The following KCNAB2 variants were observed in gnomAD, a reference collection of about 807,000 sequenced individuals.
KCNAB2 encodes voltage-gated potassium channel subunit beta-2.
A neutral mutation model predicts 63.6 loss-of-function variants in KCNAB2; 29 were observed. The ratio of observed to expected loss-of-function variants is 0.46; its 90% confidence interval spans 0.34 to 0.62. The LOEUF (loss-of-function observed/expected upper bound fraction) is 0.62, where lower values mean the gene tolerates loss of function less well. Among genes scored for constraint, KCNAB2 ranks in the 20% least tolerant of loss-of-function variants. The pLI is 0.01. For missense variants in KCNAB2, 359 were observed against 563.9 expected (o/e 0.64, Z 3.68); for synonymous variants, 222 against 224.2 (o/e 0.99, Z 0.09).
At chr1:6,061,093 A>G (rs1351215872) in intron 2 of KCNAB2, among the ~76,000 whole-genome samples, 2 of 152,158 alleles carry the variant, frequency 1.3e-5, no homozygotes, top group Non-Finnish European at 2.9e-5. Context: ...GACCCCAGGC[A>G]CTGAGCCGGA....
In KCNAB2 at chr1:6,073,423, C is replaced by T. The variant is rs535799501; in HGVS notation, c.263-310C>T. The stretch of plus-strand genomic sequence containing the variant: ...GAGGCATCCCTTGTGCCATTTCTTG[C>T]GGCATGTCCTTGGAACTAGAGCTGC... On this transcript the variant is annotated intron_variant, in intron 3 of 15. Coordinates refer to ENST00000378083, the MANE Select transcript of KCNAB2 (RefSeq NM_001199862.2). This position sits in a 1 kb window ranked among gnomAD's most constrained non-coding sequence, Gnocchi z 5.7. Among the ~76,000 whole-genome samples the T allele has an allele frequency of 6.6e-6, 1 of 152,320 alleles. No homozygotes were observed. The highest frequency in any genetic ancestry group is 1.5e-5 in the Non-Finnish European group (1 of 68,024).
Position 6,098,580 on chromosome 1 carries a change from C to A in KCNAB2, c.*6C>A, listed in dbSNP as rs1468316589. On this transcript the variant is annotated 3_prime_UTR_variant, in exon 16 of 16. Coordinates refer to ENST00000378083, the MANE Select transcript of KCNAB2 (RefSeq NM_001199862.2). ...AAAAGGACTACAGATCCTAAGCCGC[C>A]CCCGCCCGCCTGCTCGGACAGTTTC... 2.5e-6 allele frequency: 4 copies of A among 1,613,418 alleles called. No homozygotes were observed. The South Asian group carries it at 4.4e-5, about 18-fold the overall frequency.
At chr1:6,040,612 T>C in exon 2 of KCNAB2, 1 of 1,614,016 alleles carries the variant, frequency 6.2e-7, no homozygotes, top group Non-Finnish European at 8.5e-7. Context: ...CGGCTCTCGC[T>C]GCGGCAGACG....
At chr1:6,060,264 A>T (rs556211085) in intron 2 of KCNAB2, among the ~76,000 whole-genome samples, 1 of 152,266 alleles carries the variant, frequency 6.6e-6, no homozygotes, top group East Asian at 1.9e-4. Flanking sequence ...CTGCTGGCTG[A>T]CTTGGCCTTG....
rs577891136 is a variant in KCNAB2 at position 6,089,194 on chromosome 1, C to A, written c.514+143C>A. On this transcript the variant is annotated intron_variant, in intron 8 of 15. Transcript: ENST00000378083. The stretch of plus-strand genomic sequence containing the variant: ...GGGGCACCCGGTGCTCTGGCCTGAC[C>A]TTCTCCTTCCACCCAGGTAGCACAG... 1.6e-5 allele frequency: 14 copies of A among 886,216 alleles called. No individual in the cohort carries two copies. The East Asian group carries it at 1.6e-4, about 10-fold the overall frequency. The allele number at this position is 886,216 out of a possible 1,614,324, so 54.9% of individuals were successfully genotyped here.
chr1:6,092,955 C>T lies in KCNAB2; in HGVS notation c.647-1445C>T, dbSNP rs967097503. 3.3e-5 allele frequency among the ~76,000 whole-genome samples: 5 copies of T among 152,334 alleles called. No individual in the cohort carries two copies. In the East Asian group the frequency reaches 5.8e-4, roughly 18 times the overall value. On this transcript the variant is annotated intron_variant, in intron 10 of 15. Coordinates refer to ENST00000378083, the MANE Select transcript of KCNAB2 (RefSeq NM_001199862.2). ...AAACCCCAGTGGCCTCAGCTCTAGC[C>T]TTTAGGAGGCCCCAGGTTCTGCTCA...
At chr1:6,014,670 C>T (rs1658380949) in intron 1 of KCNAB2, among the ~76,000 whole-genome samples, 1 of 152,206 alleles carries the variant, frequency 6.6e-6, no homozygotes, top group South Asian at 2.1e-4. Flanking sequence ...AACCTGATGC[C>T]TGCGATCTGA....
At chr1:5,998,306 T>G (rs1188880247) in intron 1 of KCNAB2, among the ~76,000 whole-genome samples, 1 of 152,180 alleles carries the variant, frequency 6.6e-6, no homozygotes, top group Non-Finnish European at 1.5e-5. Flanking sequence ...CCCAAGCTTT[T>G]CTGGCTGGGT....
intron 2 of KCNAB2, among the ~76,000 whole-genome samples, chr1:6,065,765 C>A (rs1302405229): frequency 6.6e-6 from 1 of 152,042 alleles, no homozygotes; most frequent in African/African-American, 2.4e-5. Flanking sequence ...AGAGGAAGGA[C>A]CTGCAGAGAC....
chr1:6,064,576 T>C (rs891139557), intron 2 of KCNAB2, among the ~76,000 whole-genome samples: 1 of 152,216 alleles, frequency 6.6e-6, no homozygotes, highest in Non-Finnish European at 1.5e-5. Flanking sequence ...AGACTTAACC[T>C]GAGCCCTAGG....
At chr1:6,053,489 C>T (rs1342495625) in intron 2 of KCNAB2, among the ~76,000 whole-genome samples, 1 of 151,986 alleles carries the variant, frequency 6.6e-6, no homozygotes, top group Non-Finnish European at 1.5e-5. Context: ...CCAGGGAGGC[C>T]GAGGGGGAAC....
chr1:6,064,322 C>T (rs1345139455), intron 2 of KCNAB2, among the ~76,000 whole-genome samples: 2 of 152,220 alleles, frequency 1.3e-5, no homozygotes, highest in East Asian at 1.9e-4. Flanking sequence ...CTGTCCTAGA[C>T]GGTGAGCGCC....
chr1:6,090,066 AAAGTC>A lies in KCNAB2; in HGVS notation c.515-321_515-317del, dbSNP rs535352193. On this transcript the variant is annotated intron_variant, in intron 8 of 15. Transcript: ENST00000378083. ...AGCCCTCCCTCCACATGTGATAGAT[AAAGTC>A]ATCTCCCTGTTGTAATACACAGTGG... Among the ~76,000 whole-genome samples the A allele has an allele frequency of 3.9e-3, 600 of 152,346 alleles. 2 individuals are homozygous for A. The highest frequency in any genetic ancestry group is 0.013 in the African/African-American group (559 of 41,572).
chr1:6,077,083 G>A (rs1663730045), intron 4 of KCNAB2, among the ~76,000 whole-genome samples: 1 of 152,140 alleles, frequency 6.6e-6, no homozygotes, highest in African/African-American at 2.4e-5. Context: ...CTACTCAGGA[G>A]GCTGAGGCAG....
chr1:6,058,015 G>T (rs150553298), intron 2 of KCNAB2, among the ~76,000 whole-genome samples: 1 of 152,260 alleles, frequency 6.6e-6, no homozygotes, highest in African/African-American at 2.4e-5. Context: ...GCCAGGCATG[G>T]TGGCAAGTGC....
At chr1:6,027,597 T>G (rs1393363114) in intron 1 of KCNAB2, 1 of 152,242 alleles carries the variant, frequency 6.6e-6, no homozygotes, top group Non-Finnish European at 1.5e-5. Context: ...GAATGTGGAC[T>G]GTTCTTGCAA....
At chr1:6,004,970 AG>A (rs879599923) in intron 1 of KCNAB2, among the ~76,000 whole-genome samples, 2,776 of 126,752 alleles carry the variant, frequency 0.022, 94 homozygotes, top group Non-Finnish European at 0.033. Flanking sequence ...AGCTGAGCTG[AG>A]GGATGAGGGT....
intron 1 of KCNAB2, among the ~76,000 whole-genome samples, chr1:6,000,984 C>T (rs12070112): frequency 0.028 from 4,260 of 152,246 alleles, 207 homozygotes; most frequent in African/African-American, 0.098. Context: ...CATCTCACAT[C>T]GTCAGGAAAG....
chr1:5,993,631 CCCT>C (rs537791545), intron 1 of KCNAB2, among the ~76,000 whole-genome samples: 12 of 152,320 alleles, frequency 7.9e-5, no homozygotes, highest in African/African-American at 2.9e-4. Context: ...ATCCTGGTGT[CCCT>C]CCTCCTGGCA....
Sources: allele counts gnomAD v4.1 joint callset (sites outside exome capture counted in the v4.1 genomes callset), GRCh38; gene constraint gnomAD v4.1.1; non-coding constraint Gnocchi (gnomAD v3.1); transcripts MANE v1.5; gene names NCBI Gene and HGNC (gene_info 2026-07-23, HGNC 2026-07-21).